The following LCN12 variants were observed in gnomAD, a reference collection of about 807,000 sequenced individuals.
LCN12 encodes epididymal-specific lipocalin-12.
LCN12 carries 15 observed loss-of-function variants against 23.7 expected under a neutral mutation model. The ratio of observed to expected loss-of-function variants is 0.63; its 90% CI spans 0.42 to 0.97. LCN12 has a LOEUF of 0.97. Among genes scored for constraint, LCN12 ranks in the 50% least tolerant of loss-of-function variants. LCN12 has a pLI of 0.00. For synonymous variants in LCN12, 116 were observed against 111.5 expected (o/e 1.04, Z -0.25); for missense variants, 219 against 249.6 (o/e 0.88, Z 0.83).
chr9:136,953,650 G>A (rs776451058), intron 2 of LCN12, 50 bp from the exon 3 acceptor site: 3 of 1,413,842 alleles, frequency 2.1e-6, no homozygotes, highest in Non-Finnish European at 2.9e-6. Context: ...ACCTCAGCAT[G>A]GACCTGCCAG....
downstream of LCN12, chr9:136,955,553 G>T (rs1018485303): frequency 1.4e-6 from 1 of 720,202 alleles, no homozygotes; most frequent in South Asian, 2.0e-5. Flanking sequence ...GGAGCAAGGC[G>T]ACCGCTGACC....
upstream of LCN12, among the ~76,000 whole-genome samples, chr9:136,949,826 G>A (rs1851106008): frequency 6.6e-6 from 1 of 152,184 alleles, no homozygotes; most frequent in Admixed American, 6.5e-5. Flanking sequence ...GGGGGTCCAG[G>A]GTGCTGAGTG....
At chr9:136,954,330 G>A (rs762663616) in intron 5 of LCN12, 75 bp downstream of exon 5, 1 of 1,479,194 alleles carries the variant, frequency 6.8e-7, no homozygotes, top group Non-Finnish European at 9.2e-7. Flanking sequence ...TGACCCTAGA[G>A]GAGCTGGACC....
At chr9:136,953,593 C>T (rs1040568462) in intron 2 of LCN12, 107 bp from the exon 3 acceptor site, 31 of 768,634 alleles carry the variant, frequency 4.0e-5, no homozygotes, top group African/African-American at 1.2e-4. Flanking sequence ...TGGCCACTCC[C>T]GCCGTGGGTC....
At chr9:136,956,361 C>T (rs1340339835), downstream of LCN12, among the ~76,000 whole-genome samples, 1 of 152,210 alleles carries the variant, frequency 6.6e-6, no homozygotes, top group Non-Finnish European at 1.5e-5. Flanking sequence ...CTTCTGCCAT[C>T]ATGTGCACCT....
At chr9:136,954,663 G>A in intron 5 of LCN12, 1 of 1,238,916 alleles carries the variant, frequency 8.1e-7, no homozygotes, top group South Asian at 1.3e-5. Flanking sequence ...TGGGTCCCCT[G>A]TCCTGGGCCA....
At chr9:136,954,729 G>T in intron 5 of LCN12, 1 of 1,291,374 alleles carries the variant, frequency 7.7e-7, no homozygotes, top group Non-Finnish European at 1.0e-6. Context: ...CCCAGGAGGT[G>T]CCCTGGACCT....
At position 136,955,365 on chromosome 9, in the gene LCN12, C is replaced by T. The variant is rs775689017; in HGVS notation, c.551-6C>T. 2 of 1,613,042 alleles carry T rather than the reference C, an allele frequency of 1.2e-6. No individual in the cohort carries two copies. The highest frequency in any genetic ancestry group is 1.7e-5 in the Admixed American group (1 of 59,968). ...TCCTCCATCCCGACTCCATCTCCCC[C>T]ACCAGGCTGGTCACCCCAGGCCAGC... On this transcript the variant is annotated splice_polypyrimidine_tract_variant and splice_region_variant and intron_variant, in intron 5 of 5. Transcript: ENST00000371633.
rs773291860 is a variant in LCN12 at position 136,952,953 on chromosome 9, C to T, written c.176C>T (p.Ala59Val). 4 of 1,613,312 alleles carry T rather than the reference C, an allele frequency of 2.5e-6. No homozygotes were observed. Among genetic ancestry groups the T allele is most frequent in the South Asian group, 2.2e-5 (2 of 91,078 alleles). ...AGNSFRPEHR[A>V]LLNAFTATFE... ...AACAGCTTCAGGCCGGAGCACAGGG[C>T]GCTGCTGAACGCTTTCACCGCAACT... Residue 59 changes from alanine to valine, a missense_variant, in exon 2 of 6, where the codon GCG becomes GTG. Transcript: ENST00000371633.
At chr9:136,955,617 T>G, downstream of LCN12, 2 of 532,694 alleles carry the variant, frequency 3.8e-6, no homozygotes, top group Non-Finnish European at 6.7e-6. Flanking sequence ...CCCAGCCGGC[T>G]GTCTCTGGCC....
Position 136,954,218 on chromosome 9 carries a change from C to A in LCN12, c.513C>A (p.Gly171=), listed in dbSNP as rs1266158233. Residue 171 remains glycine (G), a synonymous_variant, in exon 5 of 6, where the codon GGC becomes GGA. Transcript: ENST00000371633. ...DQFICLGRAQ[G]LSDDNIVFPD... is the part of the protein sequence containing the mutation. ...TCATCTGCCTGGGCAGAGCTCAGGG[C>A]CTCTCGGATGACAACATCGTCTTCC... is the stretch of plus-strand genomic sequence containing the variant. The A allele has an allele frequency of 1.3e-6, 2 of 1,577,824 alleles. No homozygotes were observed. Among genetic ancestry groups the A allele is most frequent in the African/African-American group, 1.4e-5 (1 of 74,014 alleles).
At position 136,954,143 on chromosome 9, in the gene LCN12, C is replaced by T; in HGVS notation, c.449-11C>T. On this transcript the variant is annotated splice_polypyrimidine_tract_variant and intron_variant, in intron 4 of 5. Transcript: ENST00000371633. ...AGTGCACAGACCCATGCTGGGCTCC[C>T]TGGGCTGCAGGCAGGAGCTGGTTGC... The T allele has an allele frequency of 6.5e-7, 1 of 1,543,412 alleles. No homozygotes were observed. The highest frequency in any genetic ancestry group is 8.8e-7 in the Non-Finnish European group (1 of 1,142,550).
rs984041609 is a variant in LCN12, at chr9:136,952,770, C to A, written c.115-122C>A. On this transcript the variant is annotated intron_variant, in intron 1 of 5. Coordinates refer to ENST00000371633, the MANE Select transcript of LCN12 (RefSeq NM_178536.4). ...TCTTGCCAGTGTCCCTGGCGCCGGC[C>A]CAGCCAGGAGCACTGCTCTGTGAGG... The A allele has an allele frequency of 4.1e-6, 5 of 1,218,272 alleles. No homozygotes were observed. In the African/African-American group the frequency reaches 7.5e-5, roughly 18 times the overall value. 75.5% of individuals were successfully genotyped at this position (1,218,272 alleles called of 1,614,324 possible).
chr9:136,954,671 C>T (rs1250995593), intron 5 of LCN12: 1 of 1,259,320 alleles, frequency 7.9e-7, no homozygotes, highest in Admixed American at 2.3e-5. Context: ...CTGTCCTGGG[C>T]CACCTCCTCC....
chr9:136,949,375 G>A (rs1851098384), upstream of LCN12, among the ~76,000 whole-genome samples: 1 of 152,238 alleles, frequency 6.6e-6, no homozygotes, highest in South Asian at 2.1e-4. Context: ...GGGGCCCCGG[G>A]AGCCCCTGGT....
chr9:136,954,887 T>C (rs1237544659), intron 5 of LCN12: 4 of 1,230,500 alleles, frequency 3.3e-6, no homozygotes, highest in Non-Finnish European at 4.2e-6. Flanking sequence ...GATTCCCGCC[T>C]CTGGTCCTTT....
At position 136,953,969 on chromosome 9, in the gene LCN12, G is replaced by T; in HGVS notation, c.448+5G>T. On this transcript the variant is annotated splice_donor_5th_base_variant and intron_variant, in intron 4 of 5. Transcript: ENST00000371633. ...TCCTCAGGATCAGCCTGCTGGGTGA[G>T]CCTCCCACCCCGTCCTGGGCCCGTG... The T allele has an allele frequency of 6.2e-7, 1 of 1,607,764 alleles. No individual in the cohort carries two copies.
downstream of LCN12, among the ~76,000 whole-genome samples, chr9:136,956,069 CA>C (rs1851314245): frequency 6.6e-6 from 1 of 152,122 alleles, no homozygotes; most frequent in South Asian, 2.1e-4. Context: ...CTGAGCCCCC[CA>C]ACCCTGACTG....
At chr9:136,954,450 C>T in intron 5 of LCN12, 195 bp downstream of exon 5, 1 of 722,538 alleles carries the variant, frequency 1.4e-6, no homozygotes, top group Non-Finnish European at 2.4e-6. Context: ...CCCGGGTCCC[C>T]TGTCCTGGGC....
Sources: allele counts gnomAD v4.1 joint callset (sites outside exome capture counted in the v4.1 genomes callset), GRCh38; gene constraint gnomAD v4.1.1; transcripts MANE v1.5; gene names NCBI Gene and HGNC (gene_info 2026-07-23, HGNC 2026-07-21).